The following ATM variants were observed in gnomAD, a reference collection of about 807,000 sequenced individuals.
ATM encodes ATM serine/threonine kinase, also known as serine-protein kinase ATM.
Under a neutral mutation model 387.0 loss-of-function variants are expected in ATM, and 308 were observed. The ratio of observed to expected loss-of-function variants is 0.80; its 90% CI spans 0.73 to 0.87. The LOEUF (loss-of-function observed/expected upper bound fraction) is 0.87, where lower values mean the gene tolerates loss of function less well. Among genes scored for constraint, ATM ranks in the 40% least tolerant of loss-of-function variants. The probability of loss-of-function intolerance (pLI) is 0.00; values close to 1 mark genes in which losing one functional copy is unlikely to be tolerated. For synonymous variants in ATM, 1,156 were observed against 1,187.3 expected (o/e 0.97, Z 0.54); for missense variants, 3,312 against 3,560.9 (o/e 0.93, Z 1.78).
intron 42 of ATM, 128 bp downstream of exon 42, chr11:108,316,241 A>T: frequency 1.0e-6 from 1 of 965,126 alleles, no homozygotes; most frequent in South Asian, 1.4e-5. Flanking sequence ...TGTTTTTCAG[A>T]GGATTAGGCT....
intron 22 of ATM, among the ~76,000 whole-genome samples, chr11:108,273,116 G>C (rs2081696925): frequency 6.6e-6 from 1 of 152,120 alleles, no homozygotes; most frequent in South Asian, 2.1e-4. Context: ...TGGTTGACTC[G>C]AGTGAGGTGT....
intron 17 of ATM, among the ~76,000 whole-genome samples, chr11:108,267,824 T>G (rs566773866): frequency 1.3e-5 from 2 of 152,134 alleles, no homozygotes; most frequent in Admixed American, 6.6e-5. Flanking sequence ...TGCCACTGCA[T>G]TCCAGCCTGG....
At chr11:108,306,954 C>G (rs1378274002) in intron 37 of ATM, among the ~76,000 whole-genome samples, 2 of 152,150 alleles carry the variant, frequency 1.3e-5, no homozygotes, top group African/African-American at 4.8e-5. Flanking sequence ...CCATTTGTTT[C>G]TCTCTGCCCT....
At chr11:108,277,123 G>T (rs1166236440) in intron 22 of ATM, among the ~76,000 whole-genome samples, 1 of 152,118 alleles carries the variant, frequency 6.6e-6, no homozygotes, top group East Asian at 1.9e-4. Context: ...ACTATGTTGG[G>T]CTCCACCCAG....
chr11:108,357,676 C>G (rs2090173565), intron 61 of ATM, among the ~76,000 whole-genome samples: 3 of 152,272 alleles, frequency 2.0e-5, no homozygotes, highest in South Asian at 4.1e-4. Context: ...CACCCCCCAG[C>G]AGGGGCACAC....
intron 40 of ATM, among the ~76,000 whole-genome samples, chr11:108,314,265 C>T (rs2084416765): frequency 6.6e-6 from 1 of 151,880 alleles, no homozygotes; most frequent in African/African-American, 2.4e-5. Flanking sequence ...ACAGGCATGC[C>T]CCACCATCTC....
chr11:108,259,383 G>A (rs2080722920), intron 16 of ATM, among the ~76,000 whole-genome samples: 1 of 152,178 alleles, frequency 6.6e-6, no homozygotes, highest in Admixed American at 6.5e-5. Flanking sequence ...CAGCTACTCG[G>A]GAGGCTGAGG....
At chr11:108,300,655 A>G (rs569791130) in intron 34 of ATM, among the ~76,000 whole-genome samples, 1 of 152,098 alleles carries the variant, frequency 6.6e-6, no homozygotes, top group South Asian at 2.1e-4. Flanking sequence ...GTACCTGTAT[A>G]TTTCTTTCTT....
At chr11:108,329,416 T>G (rs951219574) in intron 49 of ATM, 178 bp downstream of exon 49, 103 of 605,526 alleles carry the variant, frequency 1.7e-4, no homozygotes, top group Middle Eastern at 4.6e-4. Flanking sequence ...GTTTTTTGTT[T>G]TTTTTTTTGA....
intron 61 of ATM, among the ~76,000 whole-genome samples, chr11:108,356,262 G>A (rs751786588): frequency 7.9e-5 from 12 of 152,104 alleles, no homozygotes; most frequent in African/African-American, 1.2e-4. Flanking sequence ...AGGGCTGGGC[G>A]CGGTGGCTCA....
At chr11:108,325,651 T>C (rs951954719) in intron 46 of ATM, 107 bp downstream of exon 46, 24 of 933,720 alleles carry the variant, frequency 2.6e-5, no homozygotes, top group Non-Finnish European at 3.5e-5. Flanking sequence ...GATAGAGATC[T>C]CTATTAATAT....
At chr11:108,243,660 T>C (rs1012368882) in intron 5 of ATM, among the ~76,000 whole-genome samples, 1 of 152,154 alleles carries the variant, frequency 6.6e-6, no homozygotes, top group African/African-American at 2.4e-5. Context: ...TGTAAGTGCT[T>C]TCTTAGGCCT....
Position 108,296,531 on chromosome 11 carries a change from C to A in ATM, c.4910-756C>A, listed in dbSNP as rs879751310. Among the ~76,000 whole-genome samples, 5 of 152,154 alleles carry A rather than the reference C, an allele frequency of 3.3e-5. No homozygotes were observed. In the East Asian group the frequency reaches 9.6e-4, roughly 29 times the overall value. ...CCTCCCAAAGTGCTGGGATTACAGG[C>A]GTGAGCCACCACGCCTGGCCTAATT... On this transcript the variant is annotated intron_variant, in intron 32 of 62. Transcript: ENST00000675843.
intron 59 of ATM, among the ~76,000 whole-genome samples, chr11:108,352,347 AG>A (rs1204035264): frequency 6.6e-6 from 1 of 152,272 alleles, no homozygotes; most frequent in Non-Finnish European, 1.5e-5. Context: ...AAGGAGAACC[AG>A]ATGGAAATTT....
chr11:108,248,888 CAAAAA>C (rs35813860), intron 8 of ATM, 40 bp from the exon 9 acceptor site: 2 of 1,245,550 alleles, frequency 1.6e-6, no homozygotes, highest in African/African-American at 1.9e-5. Flanking sequence ...AACTCTGGCT[CAAAAA>C]AAAAAAAAAG....
chr11:108,236,635 T>C (rs1406427581), intron 5 of ATM: 2 of 152,142 alleles, frequency 1.3e-5, no homozygotes, highest in African/African-American at 4.8e-5. Flanking sequence ...AAGTATCCAT[T>C]GGATGAGGCA....
At chr11:108,252,161 T>A in intron 11 of ATM, 130 bp downstream of exon 11, 1 of 803,430 alleles carries the variant, frequency 1.2e-6, no homozygotes, top group Non-Finnish European at 1.9e-6. Flanking sequence ...CCTTAATTAT[T>A]AAATATTATG....
chr11:108,284,431 G>A lies in ATM; in HGVS notation c.3951G>A (p.Lys1317=), dbSNP rs1485996895. The A allele has an allele frequency of 1.9e-6, 3 of 1,613,822 alleles. No individual in the cohort carries two copies. Among genetic ancestry groups the A allele is most frequent in the Non-Finnish European group, 2.5e-6 (3 of 1,179,926 alleles). The change falls in exon 26 of 63, where the codon AAG becomes AAA. Residue 1317 remains lysine (K), a synonymous_variant. Transcript: ENST00000675843. The part of the protein sequence containing the change: ...GMAQQRETAT[K]VYDMLKSENL... The stretch of plus-strand genomic sequence containing the variant: ...CACAGCAAAGAGAGACTGCTACCAA[G>A]GTCTATGATATGCTTAAAAGTGAAA...
At chr11:108,292,434 T>C (rs2082845347) in intron 29 of ATM, among the ~76,000 whole-genome samples, 185 bp from the exon 30 acceptor site, 1 of 152,254 alleles carries the variant, frequency 6.6e-6, no homozygotes, top group Non-Finnish European at 1.5e-5. Context: ...GATGGAAGCT[T>C]AGAGCTGCCT....
Sources: allele counts gnomAD v4.1 joint callset (sites outside exome capture counted in the v4.1 genomes callset), GRCh38; gene constraint gnomAD v4.1.1; transcripts MANE v1.5; gene names NCBI Gene and HGNC (gene_info 2026-07-23, HGNC 2026-07-21).